Variants in NPFFR2 observed in about 807,000 individuals in gnomAD.
NPFFR2 encodes G-protein coupled receptor 74.
NPFFR2 carries 15 observed loss-of-function variants against 13.1 expected under a neutral mutation model. That is an observed-to-expected ratio of 1.15 (90% CI 0.77 to 1.76). NPFFR2 has a LOEUF of 1.76. NPFFR2 is among the 40% of genes most tolerant of loss of function. The probability of loss-of-function intolerance (pLI) is 0.00; values close to 1 mark genes in which losing one functional copy is unlikely to be tolerated. For synonymous variants in NPFFR2, 190 were observed against 175.7 expected, an observed-to-expected ratio of 1.08 and a Z score of -0.65; for missense variants, 572 against 503.5, an observed-to-expected ratio of 1.14 and a Z score of -1.30.
At chr4:72,088,715 A>C (rs1186204472) in intron 1 of NPFFR2, among the ~76,000 whole-genome samples, 1 of 152,024 alleles carries the variant, frequency 6.6e-6, no homozygotes, top group African/African-American at 2.4e-5. Context: ...TGCCACTTTT[A>C]AAACCATCAG....
Position 72,147,356 on chromosome 4 carries a change from G to A in NPFFR2, c.807G>A (p.Lys269=), listed in dbSNP as rs374596680. Residue 269 remains lysine (K), a synonymous_variant, in exon 4 of 4, where the codon AAG becomes AAA. Coordinates refer to ENST00000308744, the MANE Select transcript of NPFFR2 (RefSeq NM_004885.3). The stretch of plus-strand genomic sequence containing the variant: ...AGTGGCACGTGGTGTCCAGGAAGAA[G>A]CAGAAGATCATTAAGATGCTCCTGA... ...QEQWHVVSRK[K]QKIIKMLLIV... is the part of the protein sequence containing the mutation. 5.6e-6 allele frequency: 9 copies of A among 1,614,158 alleles called. No individual in the cohort carries two copies. Among genetic ancestry groups the A allele is most frequent in the Non-Finnish European group, 7.6e-6 (9 of 1,180,032 alleles).
At chr4:72,033,485 G>A (rs528521433) in intron 1 of NPFFR2, among the ~76,000 whole-genome samples, 58 of 152,122 alleles carry the variant, frequency 3.8e-4, no homozygotes, top group African/African-American at 1.3e-3. Context: ...AAAATAACAT[G>A]TTACTCATAT....
chr4:72,062,217 C>T (rs1719939258), intron 1 of NPFFR2, among the ~76,000 whole-genome samples: 1 of 152,018 alleles, frequency 6.6e-6, no homozygotes, highest in African/African-American at 2.4e-5. Flanking sequence ...AAAGGACACT[C>T]ATCTGAAAGC....
intron 1 of NPFFR2, among the ~76,000 whole-genome samples, chr4:72,080,949 G>A (rs981003204): frequency 1.3e-5 from 2 of 152,070 alleles, no homozygotes; most frequent in African/African-American, 4.8e-5. Flanking sequence ...AGGCCACACT[G>A]AGACATCTTC....
At chr4:72,057,074 G>T (rs1719771549) in intron 1 of NPFFR2, among the ~76,000 whole-genome samples, 2 of 151,888 alleles carry the variant, frequency 1.3e-5, no homozygotes, top group Admixed American at 6.6e-5. Flanking sequence ...AATAATAAAA[G>T]AATATATTGG....
chr4:72,139,352 G>C (rs551226877), intron 3 of NPFFR2, among the ~76,000 whole-genome samples: 1 of 152,196 alleles, frequency 6.6e-6, no homozygotes, highest in East Asian at 1.9e-4. Flanking sequence ...GTCCTGAATG[G>C]TATTGCTTAG....
rs371030213 is a variant in NPFFR2 at position 72,057,548 on chromosome 4, A to G, written c.-8+25348A>G. ...CTGAATTTTCCTCTGCCTTTCTCTT[A>G]CAAGGATATCTTTCACTGGATTTAG... On this transcript the variant is annotated intron_variant, in intron 1 of 3. Coordinates refer to ENST00000308744, the MANE Select transcript of NPFFR2 (RefSeq NM_004885.3). Among the ~76,000 whole-genome samples the G allele has an allele frequency of 1.6e-4, 25 of 152,110 alleles. No homozygotes were observed. In the South Asian group the frequency reaches 5.0e-3, roughly 30 times the overall value.
intron 1 of NPFFR2, among the ~76,000 whole-genome samples, chr4:72,092,159 T>C (rs1720932456): frequency 6.6e-6 from 1 of 152,092 alleles, no homozygotes; most frequent in African/African-American, 2.4e-5. Flanking sequence ...GGGTTCCTTT[T>C]GGAGTGGATT....
Position 72,128,838 on chromosome 4 carries a change from T to G in NPFFR2, c.247T>G (p.Phe83Val), listed in dbSNP as rs745432920. 6.2e-7 allele frequency: 1 copy of G among 1,613,754 alleles called. No homozygotes were observed. Among genetic ancestry groups the G allele is most frequent in the Non-Finnish European group, 8.5e-7 (1 of 1,179,648 alleles). Residue 83 changes from phenylalanine (F) to valine (V), a missense_variant, in exon 2 of 4, where the codon TTC (phenylalanine) becomes GTC (valine). Phe to Val is a conservative substitution (Grantham distance 50, BLOSUM62 -1). Transcript: ENST00000308744. The stretch of plus-strand genomic sequence containing the variant: ...ACATATGCACACAGTCACTAATCTC[T>G]TCATCTTAAACCTGGCCATAAGTGA... The part of the protein sequence containing the change: ...NKHMHTVTNL[F>V]ILNLAISDLL...
At chr4:72,095,317 C>T (rs1367253141) in intron 1 of NPFFR2, among the ~76,000 whole-genome samples, 7 of 152,134 alleles carry the variant, frequency 4.6e-5, no homozygotes, top group Non-Finnish European at 8.8e-5. Context: ...TACCCAGGGA[C>T]ATTACATTAG....
At chr4:72,111,864 C>G (rs961793937) in intron 1 of NPFFR2, among the ~76,000 whole-genome samples, 3 of 152,034 alleles carry the variant, frequency 2.0e-5, no homozygotes, top group African/African-American at 7.2e-5. Flanking sequence ...GCTAGTCCCC[C>G]CAACATGGCA....
intron 1 of NPFFR2, among the ~76,000 whole-genome samples, chr4:72,110,157 C>T (rs918458714): frequency 1.3e-5 from 2 of 151,832 alleles, no homozygotes; most frequent in Admixed American, 6.6e-5. Context: ...GGGTGGTTAC[C>T]CCCATGCTGC....
At chr4:72,032,373 G>A (rs374057573) in intron 1 of NPFFR2, among the ~76,000 whole-genome samples, 173 bp downstream of exon 1, 3 of 152,290 alleles carry the variant, frequency 2.0e-5, no homozygotes, top group South Asian at 4.2e-4. Flanking sequence ...CCAACACTGG[G>A]GGGCTTCTCT....
intron 1 of NPFFR2, among the ~76,000 whole-genome samples, chr4:72,086,836 A>G (rs28494025): frequency 0.026 from 3,958 of 152,166 alleles, 143 homozygotes; most frequent in African/African-American, 0.079. Context: ...TAAATGTAAG[A>G]TGACACCATG....
At chr4:72,134,524 C>G (rs1722349565) in intron 2 of NPFFR2, among the ~76,000 whole-genome samples, 1 of 152,126 alleles carries the variant, frequency 6.6e-6, no homozygotes, top group Non-Finnish European at 1.5e-5. Context: ...TTGTTTGAAT[C>G]AACATACAGA....
At chr4:72,117,144 G>A (rs1360770420) in intron 1 of NPFFR2, among the ~76,000 whole-genome samples, 1 of 152,060 alleles carries the variant, frequency 6.6e-6, no homozygotes, top group African/African-American at 2.4e-5. Flanking sequence ...TAGCCTGTAA[G>A]CCAGGCTCCC....
At chr4:72,132,536 A>G (rs1314228064) in intron 2 of NPFFR2, among the ~76,000 whole-genome samples, 1 of 152,188 alleles carries the variant, frequency 6.6e-6, no homozygotes, top group Non-Finnish European at 1.5e-5. Flanking sequence ...GCTGGGTTGA[A>G]TGGTAGTTCT....
Position 72,058,497 on chromosome 4 carries a change from A to G in NPFFR2, c.-8+26297A>G, listed in dbSNP as rs1220668090. On this transcript the variant is annotated intron_variant, in intron 1 of 3. Coordinates refer to ENST00000308744, the MANE Select transcript of NPFFR2 (RefSeq NM_004885.3). ...GAACACTGATGTGATATATGTTTTAATGCATATAAGCTGGTCCCTGGCAAC... is the reference window on the plus strand; with the variant it reads ...GAACACTGATGTGATATATGTTTTAGTGCATATAAGCTGGTCCCTGGCAAC... Among the ~76,000 whole-genome samples the G allele has an allele frequency of 2.0e-5, 3 of 152,000 alleles. No individual in the cohort carries two copies. In the South Asian group the frequency reaches 6.2e-4, roughly 31 times the overall value.
At chr4:72,130,504 C>T (rs998115455) in intron 2 of NPFFR2, among the ~76,000 whole-genome samples, 1 of 152,000 alleles carries the variant, frequency 6.6e-6, no homozygotes, top group African/African-American at 2.4e-5. Context: ...AAGTACTTTA[C>T]CTTACTGCAT....
Sources: gnomAD v4.1 joint callset for allele counts (sites outside exome capture counted in the v4.1 genomes callset) on GRCh38, gnomAD v4.1.1 for gene constraint, MANE v1.5 for transcripts, NCBI Gene and HGNC (gene_info 2026-07-23, HGNC 2026-07-21) for gene names.